PMS2: variants seen among roughly 807,000 people sequenced by gnomAD.
The protein encoded by PMS2 is mismatch repair endonuclease PMS2.
A neutral mutation model predicts 90.0 loss-of-function variants in PMS2; 69 were observed. The ratio of observed to expected loss-of-function variants is 0.77; its 90% CI spans 0.63 to 0.94. PMS2 has a LOEUF of 0.94. Ranked by LOEUF, PMS2 falls within the 40% of genes least tolerant of loss-of-function variation. The probability of loss-of-function intolerance (pLI) is 0.00; values close to 1 mark genes in which losing one functional copy is unlikely to be tolerated. For synonymous variants in PMS2, 332 were observed against 375.1 expected, an observed-to-expected ratio of 0.89 and a Z score of 1.33; for missense variants, 966 against 1,040.2, an observed-to-expected ratio of 0.93 and a Z score of 0.98.
chr7:5,993,591 G>A (rs1431882061), intron 8 of PMS2, among the ~76,000 whole-genome samples: 3 of 151,402 alleles, frequency 2.0e-5, no homozygotes, highest in Admixed American at 6.6e-5. Context: ...GGCCGGGCGC[G>A]GTGGCTCATG....
In PMS2 at chr7:5,987,124, T is replaced by C. The variant is rs773541976; in HGVS notation, c.1641A>G (p.Ser547=). 13 of 1,613,954 alleles carry C rather than the reference T, an allele frequency of 8.1e-6. No individual in the cohort carries two copies. The South Asian group carries it at 1.3e-4, about 16-fold the overall frequency. ...EKAPKTDDSF[S]DVDCHSNQED... ...CCTGGTTTGAATGGCAGTCCACATC[T>C]GAAAAAGAGTCGTCAGTTTTAGGCG... The change falls in exon 11 of 15, where the codon TCA becomes TCG. Residue 547 remains serine (S), a synonymous_variant. Coordinates refer to ENST00000265849, the MANE Select transcript of PMS2 (RefSeq NM_000535.7).
chr7:5,983,746 G>C (rs992571808), intron 11 of PMS2, among the ~76,000 whole-genome samples: 31 of 151,324 alleles, frequency 2.0e-4, no homozygotes, highest in African/African-American at 6.6e-4. Context: ...GCGCCTCCCA[G>C]GTTCGAGCGA....
intron 2 of PMS2, 63 bp downstream of exon 2, chr7:6,005,829 G>A: frequency 6.2e-7 from 1 of 1,607,282 alleles, no homozygotes; most frequent in Non-Finnish European, 8.5e-7. Context: ...AATAACAAAT[G>A]TTTCTTAACT....
intron 12 of PMS2, among the ~76,000 whole-genome samples, chr7:5,981,785 G>A (rs1022540265): frequency 1.3e-5 from 2 of 151,718 alleles, no homozygotes; most frequent in African/African-American, 4.9e-5. Flanking sequence ...CAACCTCTCT[G>A]CATGTGCCTC....
At chr7:5,994,776 G>GAAA (rs920811078) in intron 8 of PMS2, among the ~76,000 whole-genome samples, 1 of 139,854 alleles carries the variant, frequency 7.2e-6, no homozygotes, top group African/African-American at 2.6e-5. Context: ...CTCCGTCTCA[G>GAAA]AAAAAAAAAA....
At chr7:5,992,834 T>C (rs1783919750) in intron 8 of PMS2, among the ~76,000 whole-genome samples, 1 of 152,206 alleles carries the variant, frequency 6.6e-6, no homozygotes, top group Admixed American at 6.5e-5. Context: ...AACTGAATAT[T>C]TTTCCAACTT....
chr7:6,005,039 A>G (rs1341726226), intron 2 of PMS2, among the ~76,000 whole-genome samples: 2 of 149,484 alleles, frequency 1.3e-5, no homozygotes, highest in Non-Finnish European at 3.0e-5. Context: ...TGAGGAGCTG[A>G]GATTACAGCC....
chr7:6,003,442 G>A, intron 4 of PMS2: 1 of 486,430 alleles, frequency 2.1e-6, no homozygotes, highest in Non-Finnish European at 3.6e-6. Context: ...TACATGTTAG[G>A]TTAAAATTGA....
At position 6,009,024 on chromosome 7, in the gene PMS2, G is replaced by T. The variant is rs786202272; in HGVS notation, c.-5C>A. On this transcript the variant is annotated 5_prime_UTR_variant, in exon 1 of 15. Coordinates refer to ENST00000265849, the MANE Select transcript of PMS2 (RefSeq NM_000535.7). Reference sequence around the variant, plus strand: ...CGAGCTCTCAGCTCGCTCCATGGATGCAACACCCGATCCGCCTCGGGGACT... The same window carrying T: ...CGAGCTCTCAGCTCGCTCCATGGATTCAACACCCGATCCGCCTCGGGGACT... 2 of 1,612,540 alleles carry T rather than the reference G, an allele frequency of 1.2e-6. No individual in the cohort carries two copies. Among genetic ancestry groups the T allele is most frequent in the South Asian group, 2.2e-5 (2 of 91,024 alleles).
intron 7 of PMS2, among the ~76,000 whole-genome samples, chr7:5,995,997 A>C (rs1340077962): frequency 6.6e-6 from 1 of 152,074 alleles, no homozygotes; most frequent in African/African-American, 2.4e-5. Flanking sequence ...TTGTCAATGA[A>C]GTCTAACCAC....
intron 8 of PMS2, among the ~76,000 whole-genome samples, chr7:5,993,408 A>G (rs1378921374): frequency 2.3e-5 from 1 of 42,650 alleles, no homozygotes; most frequent in East Asian, 8.1e-4. Flanking sequence ...AGAAAAAAAA[A>G]CAAAATATTA....
rs975047195 is a variant in PMS2, at chr7:5,987,691, C to T, written c.1145-71G>A. The T allele has an allele frequency of 8.5e-6, 8 of 939,680 alleles. No homozygotes were observed. In the Admixed American group the frequency reaches 1.4e-4, roughly 16 times the overall value. 58.2% of individuals were successfully genotyped at this position (939,680 alleles called of 1,614,324 possible). A position where few individuals can be genotyped will look rare whatever the true frequency, so the allele number is the denominator to read the frequency against. ...TGGTGAGAGGACGTGCTTATGTGAA[C>T]AGATACTTCACAAAAGAGGAGATCC... On this transcript the variant is annotated intron_variant, in intron 10 of 14. Coordinates refer to ENST00000265849, the MANE Select transcript of PMS2 (RefSeq NM_000535.7).
Position 5,997,384 on chromosome 7 carries a change from C to G in PMS2, c.745G>C (p.Asp249His), listed in dbSNP as rs1244322338. ...AAACCGTACTCTTCACACACGGAGTCACTAGGGGGCAGCTGAACAAAAGGA... is the reference window on the plus strand; with the variant it reads ...AAACCGTACTCTTCACACACGGAGTGACTAGGGGGCAGCTGAACAAAAGGA... ...LIPFVQLPPS[D>H]SVCEEYGLSC... The change falls in exon 7 of 15, where the codon GAC (aspartate) becomes CAC (histidine). Residue 249 changes from aspartate to histidine, a missense_variant. Physicochemically the swap from Asp to His is moderately conservative, Grantham distance 81 (BLOSUM62 -1). Around this residue, in one of 2 missense-constraint regions of PMS2, gnomAD observed 871 missense variants for 802.4 expected, o/e 1.09. Transcript: ENST00000265849. 1 of 1,601,468 alleles carries G rather than the reference C, an allele frequency of 6.2e-7. No homozygotes were observed. The highest frequency in any genetic ancestry group is 1.4e-5 in the African/African-American group (1 of 73,482).
intron 11 of PMS2, among the ~76,000 whole-genome samples, chr7:5,983,696 G>A (rs963613488): frequency 3.3e-5 from 5 of 150,782 alleles, no homozygotes; most frequent in Non-Finnish European, 7.4e-5. Flanking sequence ...CTGTTGCCCA[G>A]GCTGGACTGC....
chr7:6,003,988 T>C lies in PMS2; in HGVS notation c.234A>G (p.Glu78=). ...TCAACTTACTTAAGCCTTCGAAGTT[T>C]TCTTCTTCTACCCCACATCCATTGT... ...VSDNGCGVEE[E]NFEGLTLKHH... The change falls in exon 3 of 15, where the codon GAA becomes GAG. Residue 78 remains glutamate, a synonymous_variant. Transcript: ENST00000265849. 1 of 1,600,772 alleles carries C rather than the reference T, an allele frequency of 6.2e-7. No individual in the cohort carries two copies. Among genetic ancestry groups the C allele is most frequent in the Non-Finnish European group, 8.5e-7 (1 of 1,169,706 alleles).
chr7:6,000,531 G>A (rs1286755719), intron 5 of PMS2, among the ~76,000 whole-genome samples: 1 of 151,874 alleles, frequency 6.6e-6, no homozygotes, highest in Non-Finnish European at 1.5e-5. Context: ...GAAATTAAAA[G>A]CAGCCTGAAA....
chr7:5,998,592 G>A (rs997794580), intron 6 of PMS2, among the ~76,000 whole-genome samples: 2 of 151,262 alleles, frequency 1.3e-5, no homozygotes, highest in African/African-American at 4.9e-5. Context: ...TACTCAGGAG[G>A]CTAAGGTAGG....
chr7:5,993,352 C>T (rs1783974126), intron 8 of PMS2, among the ~76,000 whole-genome samples: 1 of 106,522 alleles, frequency 9.4e-6, no homozygotes, highest in Non-Finnish European at 1.7e-5. Flanking sequence ...GCCTGGGCGA[C>T]AGAGCTAGAC....
rs141769057 is a variant in PMS2 at position 5,989,848 on chromosome 7, C to G, written c.1096G>C (p.Asp366His). 23 of 1,612,744 alleles carry G rather than the reference C, an allele frequency of 1.4e-5. No homozygotes were observed. The highest frequency in any genetic ancestry group is 8.9e-5 in the East Asian group (4 of 44,824). ...TGACTGACATTTAGCTTGTTGACATCACTATCAAACATTCCTATCAAAGAG... is the reference window on the plus strand; with the variant it reads ...TGACTGACATTTAGCTTGTTGACATGACTATCAAACATTCCTATCAAAGAG... ...KTSLIGMFDS[D>H]VNKLNVSQQP... Residue 366 changes from aspartate to histidine, a missense_variant, in exon 10 of 15, where the codon GAT becomes CAT. Transcript: ENST00000265849.
Sources: gnomAD v4.1 joint callset for allele counts (sites outside exome capture counted in the v4.1 genomes callset) on GRCh38, gnomAD v4.1.1 for gene constraint, gnomAD v4.1.1 regional missense constraint, MANE v1.5 for transcripts, NCBI Gene and HGNC (gene_info 2026-07-23, HGNC 2026-07-21) for gene names.